Variants in MYO16 observed in about 807,000 individuals in gnomAD.
MYO16 encodes unconventional myosin-XVI.
A neutral mutation model predicts 205.3 loss-of-function variants in MYO16; 94 were observed. The ratio of observed to expected loss-of-function variants is 0.46; its 90% CI spans 0.39 to 0.54. MYO16 has a LOEUF of 0.54. MYO16 is among the 20% of genes least tolerant of loss of function. The pLI, the probability that MYO16 is intolerant of heterozygous loss-of-function variation, is 0.00. For synonymous variants in MYO16, 988 were observed against 954.0 expected (o/e 1.04, Z -0.66); for missense variants, 2,315 against 2,387.5 (o/e 0.97, Z 0.63).
rs1239957582 is a variant in MYO16, at chr13:109,127,278, T to C, written c.3783-4T>C. ...GTGCTGTTTGTGTTTTGTTTCCCCC[T>C]AAGAACCGATGACAAGAGTGGACCC... is the stretch of plus-strand genomic sequence containing the variant. On this transcript the variant is annotated splice_region_variant and splice_polypyrimidine_tract_variant and intron_variant, in intron 30 of 34. Transcript: ENST00000457511. The surrounding 1 kb of genome is among the most constrained non-coding windows in gnomAD (Gnocchi z 4.2). The C allele has an allele frequency of 6.4e-7, 1 of 1,571,998 alleles. No individual in the cohort carries two copies. The highest frequency in any genetic ancestry group is 1.3e-5 in the African/African-American group (1 of 74,110).
intron 34 of MYO16, among the ~76,000 whole-genome samples, chr13:109,193,120 CCTCT>C (rs778358688): frequency 6.6e-6 from 1 of 151,614 alleles, no homozygotes; most frequent in Non-Finnish European, 1.5e-5. Flanking sequence ...TCTCTCTCTC[CCTCT>C]CTCTTTCTCT....
intron 17 of MYO16, 42 bp from the exon 18 acceptor site, chr13:108,961,497 T>G: frequency 6.5e-7 from 1 of 1,530,650 alleles, no homozygotes; most frequent in Non-Finnish European, 9.0e-7. Flanking sequence ...TAATCTTTCT[T>G]CTAAGCACCC....
intron 4 of MYO16, among the ~76,000 whole-genome samples, chr13:108,733,910 A>G (rs1030054952): frequency 6.6e-6 from 1 of 152,212 alleles, no homozygotes; most frequent in Non-Finnish European, 1.5e-5. Context: ...CGGAGCCTGC[A>G]GTGAGCCGAG....
intron 2 of MYO16, among the ~76,000 whole-genome samples, chr13:108,688,143 T>TA (rs998125683): frequency 1.9e-4 from 29 of 152,142 alleles, no homozygotes; most frequent in South Asian, 8.3e-4. Context: ...CTTTCTCTTG[T>TA]AAAAAAATAG....
At chr13:109,111,044 A>G (rs999426311) in intron 28 of MYO16, among the ~76,000 whole-genome samples, 2 of 152,248 alleles carry the variant, frequency 1.3e-5, no homozygotes, top group East Asian at 1.9e-4. Flanking sequence ...AGGATGACGG[A>G]TGAACAAATG....
At chr13:108,736,869 TTGGATTCCTAGGTA>T (rs1884721832) in intron 4 of MYO16, among the ~76,000 whole-genome samples, 1 of 152,222 alleles carries the variant, frequency 6.6e-6, no homozygotes. Context: ...CCCTTGTAAG[TTGGATTCCTAGGTA>T]TTTTATTCTC....
In MYO16 at chr13:109,127,378, C is replaced by T. The variant is rs1225266470; in HGVS notation, c.3879C>T (p.Ser1293=). The change falls in exon 31 of 35, where the codon TCC becomes TCT. Residue 1293 remains serine (S), a synonymous_variant. Transcript: ENST00000457511. This position sits in a 1 kb window ranked among gnomAD's most constrained non-coding sequence, Gnocchi z 4.2. ...DGLGQCLVGP[S]IWSPSLHSVF... is the part of the protein sequence containing the mutation. ...TGGGCCAGTGCCTCGTTGGCCCGTC[C>T]ATCTGGTCTCCTTCGCTGCACTCGG... 3.7e-6 allele frequency: 6 copies of T among 1,613,912 alleles called. No individual in the cohort carries two copies. The South Asian group carries it at 6.6e-5, about 18-fold the overall frequency.
chr13:108,676,403 G>GTGTGTGTGTGTTTT (rs143639000), intron 2 of MYO16, among the ~76,000 whole-genome samples: 2 of 148,224 alleles, frequency 1.3e-5, no homozygotes, highest in South Asian at 4.4e-4. Context: ...GTGTGTGTGT[G>GTGTGTGTGTGTTTT]TGTGCCAGCC....
At chr13:108,620,170 A>G (rs879443754) in intron 1 of MYO16, among the ~76,000 whole-genome samples, 1 of 152,188 alleles carries the variant, frequency 6.6e-6, no homozygotes, top group Non-Finnish European at 1.5e-5. Context: ...TATTAGAATA[A>G]TGCTTACCAC....
At chr13:108,778,153 CAG>C (rs1244177667) in intron 4 of MYO16, among the ~76,000 whole-genome samples, 23 of 152,184 alleles carry the variant, frequency 1.5e-4, no homozygotes, top group South Asian at 1.0e-3. Context: ...CTAGCAGAAA[CAG>C]GGGGTAGTTA....
chr13:109,173,952 G>GGT (rs1555338668), intron 33 of MYO16, among the ~76,000 whole-genome samples: 9 of 147,306 alleles, frequency 6.1e-5, no homozygotes, highest in South Asian at 2.2e-4. Flanking sequence ...TTTGATGGGG[G>GGT]GGGGTACTCT....
At chr13:109,056,897 GAAATCT>G (rs1173490199) in intron 27 of MYO16, among the ~76,000 whole-genome samples, 1 of 152,086 alleles carries the variant, frequency 6.6e-6, no homozygotes, top group Non-Finnish European at 1.5e-5. Flanking sequence ...TTGCAAGTGT[GAAATCT>G]CGCATTTATG....
the MYO16 span, among the ~76,000 whole-genome samples, chr13:108,537,346 G>A: frequency 2.6e-5 from 4 of 152,000 alleles, no homozygotes; most frequent in Non-Finnish European, 5.9e-5. Flanking sequence ...CCTTTTTATG[G>A]CTGCATAGTA....
upstream of MYO16, among the ~76,000 whole-genome samples, chr13:108,593,413 C>A (rs78953627): frequency 4.6e-3 from 695 of 152,242 alleles, 6 homozygotes; most frequent in African/African-American, 0.016. Flanking sequence ...GAGCTGCCGG[C>A]AGGGGCAGGA....
intron 15 of MYO16, among the ~76,000 whole-genome samples, chr13:108,907,301 C>G (rs944873041): frequency 1.3e-5 from 2 of 152,124 alleles, no homozygotes; most frequent in Non-Finnish European, 2.9e-5. Flanking sequence ...AACACCAAAA[C>G]TTTTTGGAAC....
At chr13:109,157,488 C>T (rs915564714) in intron 32 of MYO16, among the ~76,000 whole-genome samples, 1 of 152,156 alleles carries the variant, frequency 6.6e-6, no homozygotes, top group Admixed American at 6.5e-5. Context: ...AAATCCACTG[C>T]TTCTTCCTCC....
chr13:109,041,213 TAAAA>T (rs751316101), intron 23 of MYO16, among the ~76,000 whole-genome samples: 1 of 152,104 alleles, frequency 6.6e-6, no homozygotes, highest in African/African-American at 2.4e-5. Flanking sequence ...AAGATCTAGA[TAAAA>T]AGAAAGACAT....
At chr13:108,676,372 CGTGT>C (rs35790433) in intron 2 of MYO16, among the ~76,000 whole-genome samples, 20,996 of 131,720 alleles carry the variant, frequency 0.16, 1,670 homozygotes, top group Non-Finnish European at 0.2. Flanking sequence ...TATATGTACG[CGTGT>C]GTGTGTGTGT....
chr13:108,580,327 G>A, the MYO16 span, among the ~76,000 whole-genome samples: 1 of 152,108 alleles, frequency 6.6e-6, no homozygotes, highest in Admixed American at 6.5e-5. Context: ...AGAACCAAAA[G>A]ATACATGTGC....
Sources: gnomAD v4.1 joint callset for allele counts (sites outside exome capture counted in the v4.1 genomes callset) on GRCh38, gnomAD v4.1.1 for gene constraint, Gnocchi (gnomAD v3.1) non-coding constraint, MANE v1.5 for transcripts, NCBI Gene and HGNC (gene_info 2026-07-23, HGNC 2026-07-21) for gene names.